PHF21A: variants seen among roughly 807,000 people sequenced by gnomAD.
PHF21A encodes PHD finger protein 21A.
In PHF21A, 11 loss-of-function variants were observed where a neutral mutation model predicts 82.5. The observed-to-expected ratio is 0.13, with a 90% confidence interval of 0.08 to 0.22. The LOEUF is 0.22. PHF21A is among the 10% of genes least tolerant of loss of function. PHF21A has a pLI of 1.00. For missense variants in PHF21A, 579 were observed against 837.8 expected (o/e 0.69, Z 3.81); for synonymous variants, 297 against 302.8 (o/e 0.98, Z 0.20).
At chr11:45,990,463 T>C (rs2094655357) in intron 6 of PHF21A, among the ~76,000 whole-genome samples, 1 of 151,852 alleles carries the variant, frequency 6.6e-6, no homozygotes, top group Non-Finnish European at 1.5e-5. Flanking sequence ...TTTCGCCATG[T>C]TGCCTAGGCT....
chr11:45,960,375 G>A (rs1320947302), intron 10 of PHF21A, among the ~76,000 whole-genome samples: 1 of 152,166 alleles, frequency 6.6e-6, no homozygotes, highest in Non-Finnish European at 1.5e-5. Flanking sequence ...TAAAATAGAA[G>A]GGGGCACTGA....
intron 6 of PHF21A, among the ~76,000 whole-genome samples, chr11:46,034,567 A>G (rs2095948313): frequency 6.6e-6 from 1 of 152,102 alleles, no homozygotes. Context: ...ATCCACTTTA[A>G]ATTTGTTTTT....
chr11:46,083,970 A>C (rs2096825232), intron 4 of PHF21A, among the ~76,000 whole-genome samples, 196 bp downstream of exon 4: 1 of 152,218 alleles, frequency 6.6e-6, no homozygotes, highest in African/African-American at 2.4e-5. Context: ...CTAGAAAGGA[A>C]GTCAGGAATA....
In PHF21A at chr11:46,079,130, T is replaced by G; in HGVS notation, c.87+4A>C. The G allele has an allele frequency of 6.4e-7, 1 of 1,564,992 alleles. No individual in the cohort carries two copies. The highest frequency in any genetic ancestry group is 1.4e-5 in the African/African-American group (1 of 73,836). On this transcript the variant is annotated splice_donor_region_variant and intron_variant, in intron 5 of 18. Transcript: ENST00000676320. ...AATTAAATGAATAACAATAGTAGTT[T>G]TACCTGTGGATCCTGCTTCATTTGA...
intron 6 of PHF21A, among the ~76,000 whole-genome samples, chr11:45,989,370 G>T (rs984434284): frequency 2.0e-5 from 3 of 151,720 alleles, no homozygotes; most frequent in Non-Finnish European, 4.4e-5. Flanking sequence ...TTTAGCTGGG[G>T]TGGGCCAGAC....
At chr11:46,011,471 G>A (rs1355472041) in intron 6 of PHF21A, among the ~76,000 whole-genome samples, 2 of 151,702 alleles carry the variant, frequency 1.3e-5, no homozygotes, top group Non-Finnish European at 2.9e-5. Context: ...CAGCCTGAGC[G>A]ACAGTGCAAG....
intron 6 of PHF21A, among the ~76,000 whole-genome samples, chr11:45,998,234 G>T (rs1298882940): frequency 6.6e-6 from 1 of 152,162 alleles, no homozygotes; most frequent in African/African-American, 2.4e-5. Flanking sequence ...TTTAGAAAAG[G>T]TTCTCAGAAC....
Position 45,965,232 on chromosome 11 carries a change from A to G in PHF21A, c.996+83T>C, listed in dbSNP as rs1010588956. On this transcript the variant is annotated intron_variant, in intron 10 of 18. Coordinates refer to ENST00000676320, the MANE Select transcript of PHF21A (RefSeq NM_001352027.3). ...GGTGGTGAGATGAAGAGCCCTTGAG[A>G]AAATGTATTTAGAGAAAGCCCAGCA... The G allele has an allele frequency of 2.6e-5, 31 of 1,186,620 alleles. No homozygotes were observed. The African/African-American group carries it at 4.4e-4, about 17-fold the overall frequency. 73.5% of individuals were successfully genotyped at this position (1,186,620 alleles called of 1,614,324 possible).
At chr11:45,959,987 G>A (rs114289623) in intron 10 of PHF21A, among the ~76,000 whole-genome samples, 1,547 of 152,280 alleles carry the variant, frequency 0.01, 23 homozygotes, top group African/African-American at 0.033. Flanking sequence ...ACACTACTTT[G>A]CACCCACTGA....
At chr11:46,086,879 G>A (rs1005477230) in intron 3 of PHF21A, among the ~76,000 whole-genome samples, 1 of 151,924 alleles carries the variant, frequency 6.6e-6, no homozygotes, top group African/African-American at 2.4e-5. Flanking sequence ...ATATATTTAG[G>A]GCCCTCAAAA....
At chr11:45,973,036 C>A (rs764003224) in intron 7 of PHF21A, among the ~76,000 whole-genome samples, 21 of 152,212 alleles carry the variant, frequency 1.4e-4, no homozygotes, top group Non-Finnish European at 2.8e-4. Context: ...CGAGATCACA[C>A]CATTGCACTC....
intron 1 of PHF21A, among the ~76,000 whole-genome samples, chr11:46,092,438 C>T (rs181557749): frequency 6.6e-6 from 1 of 152,242 alleles, no homozygotes; most frequent in Admixed American, 6.5e-5. Flanking sequence ...GCTACTTTTC[C>T]ATAGTTTTTC....
rs2089927302 is a variant in PHF21A at position 45,939,558 on chromosome 11, G to T, written c.1453-1246C>A. Among the ~76,000 whole-genome samples the T allele has an allele frequency of 1.3e-5, 2 of 152,052 alleles. 1 individual carries two copies. Among genetic ancestry groups the T allele is most frequent in the South Asian group, 4.1e-4 (2 of 4,820 alleles). On this transcript the variant is annotated intron_variant, in intron 15 of 18. Coordinates refer to ENST00000676320, the MANE Select transcript of PHF21A (RefSeq NM_001352027.3). ...CAGTATTTTGTGTTTGCTGTTCAATGGGCCATTCTATTCTGGGAGGCTTTA... is the reference window on the plus strand; with the variant it reads ...CAGTATTTTGTGTTTGCTGTTCAATTGGCCATTCTATTCTGGGAGGCTTTA...
At chr11:46,120,583 G>A (rs1852966134) in intron 1 of PHF21A, 1 of 152,070 alleles carries the variant, frequency 6.6e-6, no homozygotes. Flanking sequence ...GGGAGCCAAG[G>A]TTTTCCCATT....
chr11:46,000,564 G>T (rs1240592590), intron 6 of PHF21A, among the ~76,000 whole-genome samples: 1 of 152,166 alleles, frequency 6.6e-6, no homozygotes, highest in Non-Finnish European at 1.5e-5. Context: ...ATTGACCAAT[G>T]ATCTGTCAAA....
intron 10 of PHF21A, among the ~76,000 whole-genome samples, chr11:45,955,438 G>A (rs756972612): frequency 6.6e-6 from 1 of 152,174 alleles, no homozygotes; most frequent in Non-Finnish European, 1.5e-5. Flanking sequence ...AGGAAGGAGA[G>A]AAGTATGATG....
intron 1 of PHF21A, chr11:46,117,961 C>G (rs1472513983): frequency 6.6e-6 from 1 of 152,182 alleles, no homozygotes; most frequent in Non-Finnish European, 1.5e-5. Flanking sequence ...AATCCTGTTG[C>G]TTAGCTGAAG....
intron 11 of PHF21A, among the ~76,000 whole-genome samples, chr11:45,952,423 T>A (rs1021522698): frequency 5.9e-5 from 9 of 152,224 alleles, no homozygotes; most frequent in African/African-American, 2.2e-4. Context: ...GTTTATTTTT[T>A]GCAGAAACAA....
At chr11:46,111,194 C>A (rs1391411665) in intron 1 of PHF21A, among the ~76,000 whole-genome samples, 1 of 148,094 alleles carries the variant, frequency 6.8e-6, no homozygotes, top group Non-Finnish European at 1.5e-5. Context: ...TTGGGCCAGG[C>A]GTGGTGGCTC....
Sources: allele counts gnomAD v4.1 joint callset (sites outside exome capture counted in the v4.1 genomes callset), GRCh38; gene constraint gnomAD v4.1.1; transcripts MANE v1.5; gene names NCBI Gene and HGNC (gene_info 2026-07-23, HGNC 2026-07-21).